ASXL1: variants seen among roughly 807,000 people sequenced by gnomAD.
ASXL1 encodes ASXL transcriptional regulator 1.
Under a neutral mutation model 89.1 loss-of-function variants are expected in ASXL1, and 65 were observed. That is an observed-to-expected ratio of 0.73 (90% confidence interval 0.60 to 0.90). ASXL1 has a LOEUF of 0.90. Among genes scored for constraint, ASXL1 ranks in the 40% least tolerant of loss-of-function variants. The probability of loss-of-function intolerance (pLI) is 0.00; values close to 1 mark genes in which losing one functional copy is unlikely to be tolerated. For synonymous variants in ASXL1, 739 were observed against 746.9 expected (o/e 0.99, Z 0.17); for missense variants, 1,786 against 1,942.9 (o/e 0.92, Z 1.52).
chr20:32,372,910 AT>A (rs1330436522), intron 4 of ASXL1, among the ~76,000 whole-genome samples: 4 of 145,506 alleles, frequency 2.7e-5, no homozygotes, highest in Non-Finnish European at 6.0e-5. Flanking sequence ...TTCTTTTGAC[AT>A]TTGATGATAA....
At chr20:32,365,554 C>T (rs185250173) in intron 1 of ASXL1, among the ~76,000 whole-genome samples, 12 of 152,218 alleles carry the variant, frequency 7.9e-5, no homozygotes, top group Admixed American at 2.0e-4. Flanking sequence ...ATTTGGAGTA[C>T]CCTGAGTAGC....
At chr20:32,434,230 G>A in intron 12 of ASXL1, 1 of 726,054 alleles carries the variant, frequency 1.4e-6, no homozygotes, top group South Asian at 1.8e-5. Context: ...TTAGAAGTGT[G>A]GCATATAACA....
At chr20:32,364,851 GTGTT>G (rs1295820953) in intron 1 of ASXL1, among the ~76,000 whole-genome samples, 1 of 152,218 alleles carries the variant, frequency 6.6e-6, no homozygotes, top group Non-Finnish European at 1.5e-5. Flanking sequence ...CGTGTTCCAT[GTGTT>G]TGTTGAATGA....
intron 12 of ASXL1, 186 bp from the exon 13 acceptor site, chr20:32,434,246 T>A: frequency 1.2e-6 from 1 of 805,380 alleles, no homozygotes. Context: ...TAACAGCCCT[T>A]GAGCAGAATC....
chr20:32,417,187 A>T (rs1315438058), intron 4 of ASXL1, among the ~76,000 whole-genome samples: 2 of 152,164 alleles, frequency 1.3e-5, no homozygotes. Flanking sequence ...GGTGGTGCTG[A>T]TACACAATAT....
At chr20:32,393,823 G>A (rs749370086) in intron 4 of ASXL1, among the ~76,000 whole-genome samples, 8 of 151,670 alleles carry the variant, frequency 5.3e-5, no homozygotes, top group Non-Finnish European at 8.8e-5. Context: ...TGTCTGATGT[G>A]GTGTTTTTTT....
At chr20:32,359,364 C>G (rs1165220728) in intron 1 of ASXL1, 2 of 702,522 alleles carry the variant, frequency 2.8e-6, no homozygotes, top group Admixed American at 4.0e-5. Context: ...TGCTTACTCC[C>G]AGCTTGAACC....
intron 4 of ASXL1, among the ~76,000 whole-genome samples, chr20:32,418,864 G>A (rs1034309111): frequency 1.1e-4 from 11 of 103,002 alleles, no homozygotes; most frequent in African/African-American, 3.9e-5. Flanking sequence ...ACGGAGTCTT[G>A]CTCTGTCACC....
Position 32,358,602 on chromosome 20 carries a change from C to T in ASXL1, c.-174C>T, listed in dbSNP as rs1281603890. On this transcript the variant is annotated 5_prime_UTR_variant, in exon 1 of 13. Coordinates refer to ENST00000375687, the MANE Select transcript of ASXL1 (RefSeq NM_015338.6). The stretch of plus-strand genomic sequence containing the variant: ...CGCCCCTCCCCCACCGCCGCTCTCG[C>T]GCCAGCCGGTCCCCGCGTGCCCGCC... The T allele has an allele frequency of 3.7e-5, 7 of 189,988 alleles. No individual in the cohort carries two copies. Among genetic ancestry groups the T allele is most frequent in the Non-Finnish European group, 6.4e-5 (6 of 94,326 alleles). 11.8% of individuals were successfully genotyped at this position (189,988 alleles called of 1,614,324 possible). A position where few individuals can be genotyped will look rare whatever the true frequency, so the allele number is the denominator to read the frequency against.
intron 12 of ASXL1, 48 bp from the exon 13 acceptor site, chr20:32,434,384 T>A: frequency 1.2e-6 from 2 of 1,607,506 alleles, no homozygotes; most frequent in Non-Finnish European, 1.7e-6. Flanking sequence ...AGTCCCTAGG[T>A]CAGATCACCC....
intron 4 of ASXL1, among the ~76,000 whole-genome samples, chr20:32,403,093 A>T (rs74555426): frequency 2.0e-5 from 3 of 152,184 alleles, no homozygotes; most frequent in African/African-American, 7.2e-5. Context: ...GGTTACATCA[A>T]TGTTCATTTT....
intron 4 of ASXL1, among the ~76,000 whole-genome samples, chr20:32,386,548 G>A (rs2048582177): frequency 2.6e-5 from 4 of 152,038 alleles, no homozygotes; most frequent in Non-Finnish European, 5.9e-5. Context: ...CACTGGAATA[G>A]CTGGGATTAC....
rs776892604 is a variant in ASXL1 at position 32,433,432 on chromosome 20, T to C, written c.1234T>C (p.Ser412Pro). ...RQRDGHFKKR[S>P]RPDLRTRARR... is the part of the protein sequence containing the mutation. ...GCGAGATGGGCATTTTAAGAAACGC[T>C]CTCGGCCAGATCTCCGAACCAGAGC... The change falls in exon 12 of 13, where the codon TCT (serine) becomes CCT (proline). Residue 412 changes from serine to proline, a missense_variant. Physicochemically the swap from Ser to Pro is moderately conservative, Grantham distance 74 (BLOSUM62 -1). Around this residue, in one of 3 missense-constraint regions of ASXL1, gnomAD observed 1,418 missense variants for 1,427.8 expected, o/e 0.99. Transcript: ENST00000375687. 1 of 1,614,076 alleles carries C rather than the reference T, an allele frequency of 6.2e-7. No individual in the cohort carries two copies. Among genetic ancestry groups the C allele is most frequent in the Non-Finnish European group, 8.5e-7 (1 of 1,180,016 alleles).
At chr20:32,367,830 A>T (rs1477466867) in intron 3 of ASXL1, 101 bp downstream of exon 3, 1 of 770,940 alleles carries the variant, frequency 1.3e-6, no homozygotes, top group Admixed American at 1.7e-5. Flanking sequence ...GCTCATGATG[A>T]GTGAGCAGCT....
chr20:32,399,919 G>A (rs1337463722), intron 4 of ASXL1, among the ~76,000 whole-genome samples: 4 of 151,656 alleles, frequency 2.6e-5, no homozygotes, highest in African/African-American at 9.7e-5. Flanking sequence ...CCGCCACTAC[G>A]CCTGGCTCAT....
chr20:32,374,382 C>A (rs374544888), intron 4 of ASXL1, among the ~76,000 whole-genome samples: 3 of 152,060 alleles, frequency 2.0e-5, no homozygotes. Flanking sequence ...CAACCTTGAG[C>A]GCCTGGGCTT....
In ASXL1 at chr20:32,434,488, G is replaced by C. The variant is rs2145356661; in HGVS notation, c.1776G>C (p.Gln592His). ...TGGTTAAAGGTCAGCCCACTTACCA[G>C]ATATGCCCCCGGATCATCCCCACCA... ...PWVVKGQPTY[Q>H]ICPRIIPTTE... is the part of the protein sequence containing the mutation. Residue 592 changes from glutamine (Q) to histidine (H), a missense_variant, in exon 13 of 13, where the codon CAG becomes CAC. Gln to His is a conservative substitution (Grantham distance 24). Transcript: ENST00000375687. 6.2e-7 allele frequency: 1 copy of C among 1,614,134 alleles called. No homozygotes were observed. The highest frequency in any genetic ancestry group is 1.1e-5 in the South Asian group (1 of 91,088).
intron 4 of ASXL1, among the ~76,000 whole-genome samples, chr20:32,408,351 G>A (rs1390165486): frequency 6.6e-6 from 1 of 152,082 alleles, no homozygotes; most frequent in Non-Finnish European, 1.5e-5. Flanking sequence ...AATAGCTTTG[G>A]TGCCTTTGTC....
Position 32,433,713 on chromosome 20 carries a change from C to G in ASXL1, c.1515C>G (p.Asp505Glu), listed in dbSNP as rs2123265583. 1 of 1,612,958 alleles carries G rather than the reference C, an allele frequency of 6.2e-7. No individual in the cohort carries two copies. Among genetic ancestry groups the G allele is most frequent in the Non-Finnish European group, 8.5e-7 (1 of 1,179,128 alleles). Residue 505 changes from aspartate (D) to glutamate (E), a missense_variant, in exon 12 of 13, where the codon GAC becomes GAG. Asp to Glu is a conservative substitution (Grantham distance 45, BLOSUM62 2). This residue lies in a region of ASXL1 where 1,418 missense variants were observed against 1,427.8 expected (regional missense o/e 0.99). Coordinates refer to ENST00000375687, the MANE Select transcript of ASXL1 (RefSeq NM_015338.6). Reference protein sequence around the residue: ...DNLARASASPDRIPSLPQETV... With the variant: ...DNLARASASPERIPSLPQETV... ...TGGCACGTGCCTCTGCATCTCCAGA[C>G]AGAATTCCTAGCCTGCCTCAGGAAA...
Sources: allele counts gnomAD v4.1 joint callset (sites outside exome capture counted in the v4.1 genomes callset), GRCh38; gene constraint gnomAD v4.1.1; regional missense constraint gnomAD v4.1.1; transcripts MANE v1.5; gene names NCBI Gene and HGNC (gene_info 2026-07-23, HGNC 2026-07-21).